The following GRIK1 variants were observed in gnomAD, a reference collection of about 807,000 sequenced individuals.
GRIK1 encodes the protein glutamate ionotropic receptor kainate type subunit 1.
In GRIK1, 69 loss-of-function variants were observed where a neutral mutation model predicts 105.7. The observed-to-expected ratio is 0.65, with a 90% CI of 0.54 to 0.80. The LOEUF is 0.80. Ranked by LOEUF, GRIK1 falls within the 30% of genes least tolerant of loss-of-function variation. The pLI, the probability that GRIK1 is intolerant of heterozygous loss-of-function variation, is 0.00. For missense variants in GRIK1, 1,109 were observed against 1,167.3 expected (o/e 0.95, Z 0.73); for synonymous variants, 438 against 431.3 (o/e 1.02, Z -0.19).
intron 1 of GRIK1, among the ~76,000 whole-genome samples, chr21:29,854,477 GC>G (rs2068401703): frequency 2.0e-5 from 3 of 151,976 alleles, no homozygotes. Context: ...GGGAAGAGAG[GC>G]CTTGAAGAAA....
intron 1 of GRIK1, among the ~76,000 whole-genome samples, chr21:29,899,017 CT>C (rs2070287351): frequency 6.6e-6 from 1 of 151,926 alleles, no homozygotes; most frequent in African/African-American, 2.4e-5. Flanking sequence ...AATCTAATGG[CT>C]TTTTTCATAT....
intron 3 of GRIK1, among the ~76,000 whole-genome samples, chr21:29,686,410 T>C (rs1601450595): frequency 6.6e-6 from 1 of 151,300 alleles, no homozygotes; most frequent in South Asian, 2.1e-4. Flanking sequence ...GGAGGGCCAG[T>C]GAGGAGGAAA....
chr21:29,872,542 C>T (rs1231340291), intron 1 of GRIK1, among the ~76,000 whole-genome samples: 3 of 152,132 alleles, frequency 2.0e-5, no homozygotes, highest in Admixed American at 6.5e-5. Context: ...CACAGAAACA[C>T]TGAGGAAGAA....
intron 1 of GRIK1, among the ~76,000 whole-genome samples, chr21:29,701,876 A>G (rs952293630): frequency 6.6e-6 from 1 of 152,230 alleles, no homozygotes; most frequent in Non-Finnish European, 1.5e-5. Flanking sequence ...CTGATGATGC[A>G]TAAGTAAGAG....
intron 7 of GRIK1, among the ~76,000 whole-genome samples, chr21:29,606,042 T>C (rs1601245883): frequency 6.6e-6 from 1 of 150,706 alleles, no homozygotes; most frequent in Non-Finnish European, 1.5e-5. Context: ...AAAGATTGTG[T>C]GACCTTCTTT....
At chr21:29,560,333 TTCTTTCTTTCTTTC>T (rs1568812882) in intron 15 of GRIK1, among the ~76,000 whole-genome samples, 1 of 121,504 alleles carries the variant, frequency 8.2e-6, no homozygotes, top group Non-Finnish European at 1.7e-5. Context: ...CTTTCTTTCT[TTCTTTCTTTCTTTC>T]TTTCTTTCTT....
intron 1 of GRIK1, among the ~76,000 whole-genome samples, chr21:29,905,938 T>C (rs899210449): frequency 7.1e-6 from 1 of 139,980 alleles, no homozygotes; most frequent in African/African-American, 3.0e-5. Context: ...CAAAACTTGT[T>C]TTTTTTGTTT....
intron 1 of GRIK1, among the ~76,000 whole-genome samples, chr21:29,920,904 G>T (rs1365351497): frequency 6.6e-6 from 1 of 151,396 alleles, no homozygotes; most frequent in Non-Finnish European, 1.5e-5. Context: ...TGTGGCTTCC[G>T]TTCATACCAT....
At chr21:29,684,994 A>G (rs1271922454) in intron 3 of GRIK1, among the ~76,000 whole-genome samples, 2 of 152,066 alleles carry the variant, frequency 1.3e-5, no homozygotes, top group African/African-American at 4.8e-5. Flanking sequence ...TTATGTATGT[A>G]TCTATTTATC....
At chr21:29,717,332 G>A (rs2064203032) in intron 1 of GRIK1, among the ~76,000 whole-genome samples, 2 of 152,220 alleles carry the variant, frequency 1.3e-5, no homozygotes, top group Non-Finnish European at 2.9e-5. Context: ...CCAGACCCCA[G>A]GATGATAGAT....
At chr21:29,669,589 C>G (rs2063125853) in intron 4 of GRIK1, among the ~76,000 whole-genome samples, 1 of 152,170 alleles carries the variant, frequency 6.6e-6, no homozygotes, top group African/African-American at 2.4e-5. Context: ...GACCACATGG[C>G]AGCCTAGCCA....
chr21:29,724,742 A>C (rs901087682), intron 1 of GRIK1, among the ~76,000 whole-genome samples: 3 of 152,142 alleles, frequency 2.0e-5, no homozygotes, highest in Non-Finnish European at 4.4e-5. Context: ...ATGTCCTCTA[A>C]TTCGTGGGCA....
chr21:29,602,768 G>A (rs1223066049), intron 7 of GRIK1, among the ~76,000 whole-genome samples: 2 of 152,180 alleles, frequency 1.3e-5, no homozygotes, highest in Non-Finnish European at 2.9e-5. Context: ...TTATAAAGGC[G>A]TTATGAAGCA....
intron 1 of GRIK1, among the ~76,000 whole-genome samples, chr21:29,823,224 AT>A (rs906683118): frequency 1.3e-4 from 19 of 152,000 alleles, no homozygotes; most frequent in Admixed American, 1.1e-3. Context: ...TAACTACATA[AT>A]TTTTATGATA....
chr21:29,808,852 A>G (rs1410345497), intron 1 of GRIK1, among the ~76,000 whole-genome samples: 2 of 152,150 alleles, frequency 1.3e-5, no homozygotes, highest in Non-Finnish European at 2.9e-5. Context: ...AAAATATGGC[A>G]AAGAAATATA....
At chr21:29,603,110 A>G (rs886177102) in intron 7 of GRIK1, among the ~76,000 whole-genome samples, 2 of 152,302 alleles carry the variant, frequency 1.3e-5, no homozygotes, top group African/African-American at 4.8e-5. Context: ...TTTCATAAAG[A>G]GTATGTTAAG....
At chr21:29,600,000 C>T (rs992483043) in intron 7 of GRIK1, among the ~76,000 whole-genome samples, 2 of 152,034 alleles carry the variant, frequency 1.3e-5, no homozygotes, top group African/African-American at 2.4e-5. Flanking sequence ...TCAGGAGAAT[C>T]GCTTGAACCC....
At chr21:29,738,430 C>A (rs2064849881) in intron 1 of GRIK1, among the ~76,000 whole-genome samples, 1 of 152,174 alleles carries the variant, frequency 6.6e-6, no homozygotes, top group Non-Finnish European at 1.5e-5. Flanking sequence ...GATTTCAAAT[C>A]TTTTTGCAGT....
At chr21:29,546,901 G>A (rs1329376914) in intron 16 of GRIK1, among the ~76,000 whole-genome samples, 3 of 152,202 alleles carry the variant, frequency 2.0e-5, no homozygotes, top group Non-Finnish European at 1.5e-5. Context: ...ATGGTAGGAA[G>A]AAGGGTAGGG....
Sources: gnomAD v4.1 joint callset for allele counts (sites outside exome capture counted in the v4.1 genomes callset) on GRCh38, gnomAD v4.1.1 for gene constraint, MANE v1.5 for transcripts, NCBI Gene and HGNC (gene_info 2026-07-23, HGNC 2026-07-21) for gene names.